IGFL2: variants seen among roughly 807,000 people sequenced by gnomAD.
IGFL2 encodes IGF like family member 2.
IGFL2 carries 7 observed loss-of-function variants against 13.9 expected under a neutral mutation model. The observed-to-expected ratio is 0.51, with a 90% CI of 0.29 to 0.95. IGFL2 has a LOEUF of 0.95. Ranked by LOEUF, IGFL2 falls within the 40% of genes least tolerant of loss-of-function variation. The pLI, the probability that IGFL2 is intolerant of heterozygous loss-of-function variation, is 0.08. For synonymous variants in IGFL2, 55 were observed against 55.8 expected (o/e 0.99, Z 0.07); for missense variants, 138 against 147.8 (o/e 0.93, Z 0.34).
the IGFL2 span, among the ~76,000 whole-genome samples, chr19:46,107,817 G>C: frequency 6.6e-6 from 1 of 152,174 alleles, no homozygotes; most frequent in Non-Finnish European, 1.5e-5. Flanking sequence ...TGGCCCCTCT[G>C]GGTCTAGGGC....
chr19:46,167,915 C>T, the IGFL2 span, among the ~76,000 whole-genome samples: 2 of 152,190 alleles, frequency 1.3e-5, no homozygotes, highest in Non-Finnish European at 2.9e-5. Flanking sequence ...TCTTAGACTT[C>T]CAACCTCCAG....
upstream of IGFL2, among the ~76,000 whole-genome samples, chr19:46,146,263 T>A (rs1233292778): frequency 6.6e-6 from 1 of 152,138 alleles, no homozygotes; most frequent in Non-Finnish European, 1.5e-5. Flanking sequence ...ATTTACTATA[T>A]TTGTTTGGGT....
chr19:46,091,191 C>T, the IGFL2 span, among the ~76,000 whole-genome samples: 4 of 152,200 alleles, frequency 2.6e-5, no homozygotes, highest in African/African-American at 9.7e-5. Flanking sequence ...AATGCACCAT[C>T]TTGCTCTGCC....
At chr19:46,133,571 G>T in the IGFL2 span, among the ~76,000 whole-genome samples, 1 of 152,254 alleles carries the variant, frequency 6.6e-6, no homozygotes, top group Non-Finnish European at 1.5e-5. Context: ...CCTAATGCTT[G>T]CTTGGGCCTG....
At chr19:46,082,124 G>C in the IGFL2 span, among the ~76,000 whole-genome samples, 18 of 152,106 alleles carry the variant, frequency 1.2e-4, no homozygotes, top group African/African-American at 4.3e-4. Flanking sequence ...CATGTCCTTG[G>C]TTAGCAGGCC....
chr19:46,078,528 C>T, the IGFL2 span, among the ~76,000 whole-genome samples: 1 of 152,200 alleles, frequency 6.6e-6, no homozygotes, highest in African/African-American at 2.4e-5. Flanking sequence ...GAGCTGGCTA[C>T]TAACCACCTG....
the IGFL2 span, among the ~76,000 whole-genome samples, chr19:46,179,288 G>A: frequency 3.7e-4 from 56 of 150,986 alleles, no homozygotes; most frequent in African/African-American, 1.2e-3. Context: ...TGGGGTGCGG[G>A]GTCTGTGAGA....
upstream of IGFL2, among the ~76,000 whole-genome samples, chr19:46,143,378 T>TA (rs893424090): frequency 6.6e-6 from 1 of 151,982 alleles, no homozygotes; most frequent in Non-Finnish European, 1.5e-5. Flanking sequence ...TATTTGTAGT[T>TA]ACGTTTTTTG....
At chr19:46,194,848 ATATATTTTTTTTTT>A in the IGFL2 span, among the ~76,000 whole-genome samples, 2 of 33,962 alleles carry the variant, frequency 5.9e-5, no homozygotes, top group African/African-American at 1.9e-4. Context: ...ATATATATAT[ATATATTTTTTTTTT>A]TTTTTTTTTT....
At chr19:46,120,858 T>A in the IGFL2 span, among the ~76,000 whole-genome samples, 1 of 150,958 alleles carries the variant, frequency 6.6e-6, no homozygotes, top group Non-Finnish European at 1.5e-5. Context: ...GTAATAGATA[T>A]GTTAATTTCC....
At chr19:46,169,221 A>T in the IGFL2 span, among the ~76,000 whole-genome samples, 1 of 152,216 alleles carries the variant, frequency 6.6e-6, no homozygotes, top group Non-Finnish European at 1.5e-5. Flanking sequence ...AATAAAATAA[A>T]TTAAAAATGT....
the IGFL2 span, among the ~76,000 whole-genome samples, chr19:46,183,101 G>T: frequency 6.6e-6 from 1 of 152,118 alleles, no homozygotes; most frequent in African/African-American, 2.4e-5. Flanking sequence ...CGGGAAACTC[G>T]ACTTCAATTA....
the IGFL2 span, among the ~76,000 whole-genome samples, chr19:46,179,137 A>AGAGG: frequency 7.4e-6 from 1 of 135,664 alleles, no homozygotes; most frequent in Admixed American, 7.3e-5. Context: ...AGAGGCAGGG[A>AGAGG]TGCAGGGGTC....
chr19:46,187,392 G>A, the IGFL2 span, among the ~76,000 whole-genome samples: 6 of 149,078 alleles, frequency 4.0e-5, no homozygotes, highest in Admixed American at 2.7e-4. Context: ...TGTGCTACCT[G>A]ATCAGAGACG....
Position 46,160,397 on chromosome 19 carries a change from C to T in IGFL2, c.20-18C>T, listed in dbSNP as rs1974089713. On this transcript the variant is annotated intron_variant, in intron 1 of 3. Coordinates refer to ENST00000377693, the MANE Select transcript of IGFL2 (RefSeq NM_001135113.2). Reference sequence around the variant, plus strand: ...ACACTTCCAGCCCCATCCTTAACCTCCTTTCTTTCTCTCCCAGCTCCTGCT... The same window carrying T: ...ACACTTCCAGCCCCATCCTTAACCTTCTTTCTTTCTCTCCCAGCTCCTGCT... 1.2e-6 allele frequency: 2 copies of T among 1,610,262 alleles called. No individual in the cohort carries two copies. Among genetic ancestry groups the T allele is most frequent in the Non-Finnish European group, 1.7e-6 (2 of 1,177,880 alleles).
chr19:46,196,171 A>T, the IGFL2 span: 1 of 175,386 alleles, frequency 5.7e-6, no homozygotes, highest in South Asian at 1.2e-4. Flanking sequence ...CTCTAGGAGT[A>T]TAGGAGCCAA....
the IGFL2 span, among the ~76,000 whole-genome samples, chr19:46,199,940 G>A: frequency 6.6e-6 from 1 of 151,924 alleles, no homozygotes; most frequent in East Asian, 1.9e-4. Flanking sequence ...GCAGTGGCAC[G>A]ATCTCGGCTC....
the IGFL2 span, among the ~76,000 whole-genome samples, chr19:46,184,500 T>C: frequency 6.6e-6 from 1 of 152,188 alleles, no homozygotes; most frequent in Non-Finnish European, 1.5e-5. Context: ...CTCCCACTTA[T>C]GAGTGAGAAC....
intron 1 of IGFL2, among the ~76,000 whole-genome samples, chr19:46,155,038 G>T (rs1973738890): frequency 6.6e-6 from 1 of 152,058 alleles, no homozygotes; most frequent in East Asian, 1.9e-4. Context: ...GGAGGGGGTG[G>T]TAGCTGCTCC....
Sources: allele counts gnomAD v4.1 joint callset (sites outside exome capture counted in the v4.1 genomes callset), GRCh38; gene constraint gnomAD v4.1.1; transcripts MANE v1.5; gene names NCBI Gene and HGNC (gene_info 2026-07-23, HGNC 2026-07-21).